The following NF1 variants were observed in gnomAD, a reference collection of about 807,000 sequenced individuals.
The protein encoded by NF1 is neurofibromin.
A neutral mutation model predicts 325.7 loss-of-function variants in NF1; 122 were observed. That is an observed-to-expected ratio of 0.37 (90% CI 0.32 to 0.44). The LOEUF (loss-of-function observed/expected upper bound fraction) is 0.44, where lower values mean the gene tolerates loss of function less well. Among genes scored for constraint, NF1 ranks in the 20% least tolerant of loss-of-function variants. The probability of loss-of-function intolerance (pLI) is 1.00; values close to 1 mark genes in which losing one functional copy is unlikely to be tolerated. For missense variants in NF1, 2,140 were observed against 3,415.4 expected (o/e 0.63, Z 9.31); for synonymous variants, 1,091 against 1,186.0 (o/e 0.92, Z 1.65).
Position 31,104,485 on chromosome 17 carries a change from G to A in NF1, c.60+9116G>A, listed in dbSNP as rs17882541. Among the ~76,000 whole-genome samples, 483 of 152,308 alleles carry A rather than the reference G, an allele frequency of 3.2e-3. 1 individual carries two copies. The highest frequency in any genetic ancestry group is 0.01 in the Middle Eastern group (3 of 294). ...TGTTAAAAGGCTTGGGATCAATACC[G>A]AAGCAGAATATGAGCATCTTAATCT... On this transcript the variant is annotated intron_variant, in intron 1 of 57. Transcript: ENST00000358273.
chr17:31,126,395 ATTGT>A (rs2143427754), intron 1 of NF1, among the ~76,000 whole-genome samples: 1 of 151,688 alleles, frequency 6.6e-6, no homozygotes, highest in African/African-American at 2.4e-5. Context: ...TTCTGTTTGG[ATTGT>A]TTAATTTTTC....
At chr17:31,260,642 G>T (rs2067669175) in intron 34 of NF1, 127 bp downstream of exon 34, 1 of 1,196,938 alleles carries the variant, frequency 8.4e-7, no homozygotes. Flanking sequence ...TTTAGAAAGA[G>T]AAAGATTCTT....
Position 31,350,091 on chromosome 17 carries a change from A to AACAGG in NF1, c.7322-92_7322-91insACAGG, listed in dbSNP as rs2070100304. 1.4e-5 allele frequency: 18 copies of AACAGG among 1,331,974 alleles called. 1 individual carries two copies. The South Asian group carries it at 2.1e-4, about 16-fold the overall frequency. The allele number at this position is 1,331,974 out of a possible 1,614,324, so 82.5% of individuals were successfully genotyped here. On this transcript the variant is annotated intron_variant, in intron 49 of 57. Transcript: ENST00000358273. ...AATATGTGCACATTTAACAGGTACT[A>AACAGG]TGCTCTTTAGGAGACTGTAAGAAGT...
intron 1 of NF1, among the ~76,000 whole-genome samples, chr17:31,098,642 C>T (rs1028449673): frequency 6.6e-6 from 1 of 151,980 alleles, no homozygotes; most frequent in African/African-American, 2.4e-5. Context: ...GTATAAGAAT[C>T]TTAAGAGTTG....
At chr17:31,191,681 G>A (rs2066344737) in intron 8 of NF1, among the ~76,000 whole-genome samples, 1 of 152,160 alleles carries the variant, frequency 6.6e-6, no homozygotes, top group South Asian at 2.1e-4. Flanking sequence ...AATGTTCTAT[G>A]TCATGATCGT....
intron 36 of NF1, chr17:31,320,871 A>G (rs2069168454): frequency 1.2e-5 from 2 of 164,978 alleles, no homozygotes; most frequent in African/African-American, 4.8e-5. Flanking sequence ...TGCTAGAATG[A>G]TTTAAAGTAG....
intron 49 of NF1, among the ~76,000 whole-genome samples, chr17:31,349,747 C>G (rs1178745749): frequency 6.6e-6 from 1 of 152,170 alleles, no homozygotes; most frequent in African/African-American, 2.4e-5. Flanking sequence ...TTAAAGCTTC[C>G]TATTTGCTCT....
chr17:31,199,140 T>C (rs1047869952), intron 8 of NF1, among the ~76,000 whole-genome samples: 1 of 152,182 alleles, frequency 6.6e-6, no homozygotes, highest in Non-Finnish European at 1.5e-5. Flanking sequence ...TGTAGTTTAC[T>C]CTTTTTCTAG....
At chr17:31,231,011 T>G in intron 24 of NF1, 86 bp downstream of exon 24, 1 of 1,077,642 alleles carries the variant, frequency 9.3e-7, no homozygotes, top group Non-Finnish European at 1.4e-6. Context: ...TTGTATTTTG[T>G]GTGTATTTAA....
chr17:31,305,590 A>G (rs1205370945), intron 36 of NF1: 5 of 1,612,900 alleles, frequency 3.1e-6, no homozygotes, highest in Non-Finnish European at 4.2e-6. Context: ...CAAAATTAAG[A>G]TGAAATATTT....
intron 37 of NF1, among the ~76,000 whole-genome samples, chr17:31,326,679 G>A (rs1301029229): frequency 6.6e-6 from 1 of 152,032 alleles, no homozygotes; most frequent in Non-Finnish European, 1.5e-5. Flanking sequence ...TCTAGATGTA[G>A]GAAGACCAAC....
chr17:31,150,567 TC>T (rs1319118806), intron 1 of NF1, among the ~76,000 whole-genome samples: 3 of 152,182 alleles, frequency 2.0e-5, no homozygotes, highest in African/African-American at 7.2e-5. Flanking sequence ...CATTTTACTC[TC>T]AGTTAATAAC....
chr17:31,134,931 A>T (rs1180176068), intron 1 of NF1, among the ~76,000 whole-genome samples: 1 of 152,154 alleles, frequency 6.6e-6, no homozygotes, highest in African/African-American at 2.4e-5. Flanking sequence ...AGAGAGGATG[A>T]CACACGGGTG....
At chr17:31,193,103 T>C (rs1461918434) in intron 8 of NF1, among the ~76,000 whole-genome samples, 2 of 152,182 alleles carry the variant, frequency 1.3e-5, no homozygotes, top group Non-Finnish European at 2.9e-5. Context: ...GACAGATAGG[T>C]ATATAGTTCA....
intron 1 of NF1, among the ~76,000 whole-genome samples, chr17:31,146,266 G>A (rs1465725481): frequency 6.6e-6 from 1 of 152,086 alleles, no homozygotes; most frequent in Non-Finnish European, 1.5e-5. Flanking sequence ...TTTTGGGAGC[G>A]CCAACCCAGA....
chr17:31,357,497 C>T, intron 54 of NF1, 128 bp downstream of exon 54: 1 of 768,002 alleles, frequency 1.3e-6, no homozygotes, highest in South Asian at 1.5e-5. Flanking sequence ...AGCTTTGAGA[C>T]AGTAGGTTTA....
intron 57 of NF1, among the ~76,000 whole-genome samples, chr17:31,365,149 G>A (rs904027791): frequency 2.0e-5 from 3 of 152,008 alleles, no homozygotes; most frequent in African/African-American, 7.3e-5. Flanking sequence ...GCCAGGCGTA[G>A]TGGCATGCAT....
intron 36 of NF1, chr17:31,318,138 A>G (rs1368870411): frequency 2.3e-5 from 18 of 775,800 alleles, no homozygotes; most frequent in Non-Finnish European, 3.4e-5. Flanking sequence ...CACAGTTTAA[A>G]TAATTAAGCA....
At chr17:31,190,325 G>A (rs1247003708) in intron 8 of NF1, among the ~76,000 whole-genome samples, 1 of 152,076 alleles carries the variant, frequency 6.6e-6, no homozygotes, top group Non-Finnish European at 1.5e-5. Context: ...CTTCTGAGCT[G>A]GTTAGTGTTA....
Sources: allele counts gnomAD v4.1 joint callset (sites outside exome capture counted in the v4.1 genomes callset), GRCh38; gene constraint gnomAD v4.1.1; transcripts MANE v1.5; gene names NCBI Gene and HGNC (gene_info 2026-07-23, HGNC 2026-07-21).